PRKCZ: variants seen among roughly 807,000 people sequenced by gnomAD.
PRKCZ encodes protein kinase C zeta.
Under a neutral mutation model 79.5 loss-of-function variants are expected in PRKCZ, and 33 were observed. The ratio of observed to expected loss-of-function variants is 0.41; its 90% confidence interval spans 0.31 to 0.55. The LOEUF is 0.55. Among genes scored for constraint, PRKCZ ranks in the 20% least tolerant of loss-of-function variants. The probability of loss-of-function intolerance (pLI) is 0.19; values close to 1 mark genes in which losing one functional copy is unlikely to be tolerated. For synonymous variants in PRKCZ, 342 were observed against 320.9 expected, an observed-to-expected ratio of 1.07 and a Z score of -0.70; for missense variants, 578 against 813.5, an observed-to-expected ratio of 0.71 and a Z score of 3.52.
chr1:2,157,963 G>A (rs528210484), intron 10 of PRKCZ, among the ~76,000 whole-genome samples: 1 of 152,230 alleles, frequency 6.6e-6, no homozygotes, highest in African/African-American at 2.4e-5. Flanking sequence ...GGCCCTGGGT[G>A]CAACCCTCTG....
At position 2,082,117 on chromosome 1, in the gene PRKCZ, C is replaced by T; in HGVS notation, c.334+22526C>T. 4 of 319,878 alleles carry T rather than the reference C, an allele frequency of 1.3e-5. No individual in the cohort carries two copies. The highest frequency in any genetic ancestry group is 7.6e-5 in the South Asian group (3 of 39,548). 19.8% of individuals were successfully genotyped at this position (319,878 alleles called of 1,614,324 possible). A position where few individuals can be genotyped will look rare whatever the true frequency, so the allele number is the denominator to read the frequency against. ...CCAAGAAGGCGCCTAAGTGTCTTTC[C>T]ACACGGCCATCCGAGGGCGGACGTG... On this transcript the variant is annotated intron_variant, in intron 4 of 17. Coordinates refer to ENST00000378567, the MANE Select transcript of PRKCZ (RefSeq NM_002744.6). This position sits in a 1 kb window ranked among gnomAD's most constrained non-coding sequence, Gnocchi z 4.4.
intron 4 of PRKCZ, among the ~76,000 whole-genome samples, chr1:2,097,285 C>T (rs935387444): frequency 5.9e-5 from 9 of 152,090 alleles, no homozygotes; most frequent in African/African-American, 1.7e-4. Context: ...AGGCCCGGGT[C>T]GTCGTCATAT....
chr1:2,088,033 A>G (rs1417673341), intron 4 of PRKCZ, among the ~76,000 whole-genome samples: 2 of 152,228 alleles, frequency 1.3e-5, no homozygotes, highest in South Asian at 2.1e-4. Flanking sequence ...TGATGGCGGC[A>G]GAGCCCATCC....
intron 16 of PRKCZ, among the ~76,000 whole-genome samples, chr1:2,179,997 A>G (rs1365151993): frequency 6.6e-6 from 1 of 152,176 alleles, no homozygotes; most frequent in African/African-American, 2.4e-5. Context: ...GGAGGCGGTT[A>G]TGGGAGACGT....
intron 7 of PRKCZ, 100 bp downstream of exon 7, chr1:2,146,208 C>G: frequency 3.4e-6 from 4 of 1,182,332 alleles, no homozygotes; most frequent in Non-Finnish European, 4.9e-6. Flanking sequence ...CCCATCTGCT[C>G]TGCAGGGGTC....
chr1:2,078,401 A>G (rs1019428146), intron 4 of PRKCZ, among the ~76,000 whole-genome samples: 1 of 152,190 alleles, frequency 6.6e-6, no homozygotes, highest in African/African-American at 2.4e-5. Flanking sequence ...GGATCGCTCT[A>G]CTGTCTTCTG....
chr1:2,140,794 C>G (rs1252638893), intron 5 of PRKCZ, among the ~76,000 whole-genome samples: 3 of 152,170 alleles, frequency 2.0e-5, no homozygotes, highest in Non-Finnish European at 2.9e-5. Context: ...CATGGCGAAA[C>G]TTTGTCTCTA....
chr1:2,136,234 C>T (rs549887988), intron 5 of PRKCZ, among the ~76,000 whole-genome samples: 1 of 152,178 alleles, frequency 6.6e-6, no homozygotes, highest in Admixed American at 6.5e-5. Context: ...AAGTTCTGTT[C>T]ATGTGAGCCA....
intron 4 of PRKCZ, among the ~76,000 whole-genome samples, chr1:2,101,899 G>A (rs1667505008): frequency 6.6e-6 from 1 of 152,212 alleles, no homozygotes; most frequent in Non-Finnish European, 1.5e-5. Context: ...GGGCGTGGTG[G>A]ATTTATAACA....
At position 2,078,185 on chromosome 1, in the gene PRKCZ, A is replaced by G. The variant is rs1019882887; in HGVS notation, c.334+18594A>G. Among the ~76,000 whole-genome samples, 3 of 152,314 alleles carry G rather than the reference A, an allele frequency of 2.0e-5. No individual in the cohort carries two copies. In the South Asian group the frequency reaches 6.2e-4, roughly 32 times the overall value. ...GTCCCCTCCTCTCTCCTCTGCCTAC[A>G]GTCTTGATCTCTGGCTCCCTCTCTT... On this transcript the variant is annotated intron_variant, in intron 4 of 17. Transcript: ENST00000378567.
At position 2,082,379 on chromosome 1, in the gene PRKCZ, T is replaced by G. The variant is rs920626934; in HGVS notation, c.334+22788T>G. ...GGCTACCCGGCTGCCGTAGACAGAG[T>G]GAAGTCTGGTAGTTTGTGTTTATTT... On this transcript the variant is annotated intron_variant, in intron 4 of 17. Transcript: ENST00000378567. The surrounding 1 kb of genome is among the most constrained non-coding windows in gnomAD (Gnocchi z 4.4). The G allele has an allele frequency of 1.5e-5, 7 of 456,060 alleles. No individual in the cohort carries two copies. The highest frequency in any genetic ancestry group is 2.2e-5 in the Non-Finnish European group (5 of 226,952). 28.3% of individuals were successfully genotyped at this position (456,060 alleles called of 1,614,324 possible).
chr1:2,069,376 A>G (rs1661382378), intron 4 of PRKCZ, among the ~76,000 whole-genome samples: 1 of 152,086 alleles, frequency 6.6e-6, no homozygotes, highest in South Asian at 2.1e-4. Context: ...GCAAGGGGGC[A>G]TGGAGTGGAA....
At chr1:2,183,433 G>A (rs1179720236) in intron 16 of PRKCZ, 1 of 152,328 alleles carries the variant, frequency 6.6e-6, no homozygotes, top group Non-Finnish European at 1.5e-5. Flanking sequence ...GTGAATGAGT[G>A]AATGGGAGTG....
chr1:2,061,728 G>A (rs182336962), intron 4 of PRKCZ, among the ~76,000 whole-genome samples: 19 of 152,314 alleles, frequency 1.2e-4, no homozygotes, highest in African/African-American at 4.3e-4. Flanking sequence ...TGGGTTTCAT[G>A]GCGCTAGTGT....
intron 4 of PRKCZ, among the ~76,000 whole-genome samples, chr1:2,091,238 C>T (rs2490560): frequency 0.23 from 34,998 of 152,078 alleles, 4,731 homozygotes; most frequent in East Asian, 0.61. Context: ...GGTTTTACCA[C>T]GTTGGCCAGG....
chr1:2,135,201 A>T, intron 4 of PRKCZ, 61 bp from the exon 5 acceptor site: 1 of 1,448,194 alleles, frequency 6.9e-7, no homozygotes, highest in Non-Finnish European at 9.6e-7. Context: ...TCGCAGCTGC[A>T]CCCTGCGTGG....
intron 4 of PRKCZ, among the ~76,000 whole-genome samples, chr1:2,096,175 G>A (rs1339945576): frequency 2.0e-5 from 3 of 151,882 alleles, no homozygotes; most frequent in African/African-American, 4.8e-5. Flanking sequence ...TCCTCCCTGC[G>A]TCTGGCCTCT....
In PRKCZ at chr1:2,125,841, G is replaced by T. The variant is rs1237863881; in HGVS notation, c.335-9421G>T. Among the ~76,000 whole-genome samples the T allele has an allele frequency of 6.6e-6, 1 of 152,222 alleles. No individual in the cohort carries two copies. Among genetic ancestry groups the T allele is most frequent in the African/African-American group, 2.4e-5 (1 of 41,460 alleles). On this transcript the variant is annotated intron_variant, in intron 4 of 17. Transcript: ENST00000378567. The surrounding 1 kb of genome is among the most constrained non-coding windows in gnomAD (Gnocchi z 4.2). Reference sequence around the variant, plus strand: ...GCCACGGCCTCCTCACGTCCATGCGGGGATTTGCGCCCTGGAAGGAGCCGC... The same window carrying T: ...GCCACGGCCTCCTCACGTCCATGCGTGGATTTGCGCCCTGGAAGGAGCCGC...
At chr1:2,059,074 C>T (rs1007670944) in intron 3 of PRKCZ, among the ~76,000 whole-genome samples, 6 of 152,132 alleles carry the variant, frequency 3.9e-5, no homozygotes, top group Admixed American at 6.5e-5. Flanking sequence ...GGATTGCAGG[C>T]GTGAGCCATC....
Sources: allele counts gnomAD v4.1 joint callset (sites outside exome capture counted in the v4.1 genomes callset), GRCh38; gene constraint gnomAD v4.1.1; non-coding constraint Gnocchi (gnomAD v3.1); transcripts MANE v1.5; gene names NCBI Gene and HGNC (gene_info 2026-07-23, HGNC 2026-07-21).